Variants in ARL15 observed in about 807,000 individuals in gnomAD.
ARL15 encodes the protein ARF like GTPase 15.
A neutral mutation model predicts 25.2 loss-of-function variants in ARL15; 19 were observed. The observed-to-expected ratio is 0.75, with a 90% CI of 0.53 to 1.10. ARL15 has a LOEUF of 1.10. Among genes scored for constraint, ARL15 ranks in the 50% least tolerant of loss-of-function variants. The pLI, the probability that ARL15 is intolerant of heterozygous loss-of-function variation, is 0.00. For missense variants in ARL15, 220 were observed against 246.0 expected (o/e 0.89, Z 0.71); for synonymous variants, 94 against 86.8 (o/e 1.08, Z -0.46).
At chr5:54,150,841 C>T (rs2112338268) in intron 3 of ARL15, among the ~76,000 whole-genome samples, 1 of 127,006 alleles carries the variant, frequency 7.9e-6, no homozygotes, top group Admixed American at 9.2e-5. Context: ...TTTACCAACA[C>T]ACTGTTAACC....
chr5:53,943,368 T>C (rs913680223), intron 4 of ARL15, among the ~76,000 whole-genome samples: 1 of 152,116 alleles, frequency 6.6e-6, no homozygotes, highest in Non-Finnish European at 1.5e-5. Flanking sequence ...AGTGAGGTCA[T>C]CCACTGAGAA....
intron 3 of ARL15, among the ~76,000 whole-genome samples, chr5:54,127,450 C>G (rs1471510935): frequency 6.6e-6 from 1 of 151,776 alleles, no homozygotes; most frequent in Non-Finnish European, 1.5e-5. Context: ...ACCTAGGAAT[C>G]CAACTTACAA....
chr5:54,221,186 T>C (rs781270909), intron 1 of ARL15, among the ~76,000 whole-genome samples: 74 of 152,282 alleles, frequency 4.9e-4, no homozygotes, highest in Admixed American at 9.8e-4. Flanking sequence ...TTCTTGTATG[T>C]TAGGACTCAA....
intron 1 of ARL15, among the ~76,000 whole-genome samples, chr5:54,246,612 AC>A (rs556741889): frequency 3.9e-5 from 6 of 152,202 alleles, no homozygotes; most frequent in African/African-American, 1.4e-4. Flanking sequence ...CTGACTCAAC[AC>A]ACATGATACA....
At chr5:54,132,235 T>C (rs1489830854) in intron 3 of ARL15, among the ~76,000 whole-genome samples, 1 of 152,114 alleles carries the variant, frequency 6.6e-6, no homozygotes, top group East Asian at 1.9e-4. Flanking sequence ...ACAAAATATG[T>C]CTTATACTAC....
intron 3 of ARL15, among the ~76,000 whole-genome samples, chr5:54,134,979 A>C (rs562138760): frequency 6.6e-6 from 1 of 152,318 alleles, no homozygotes; most frequent in South Asian, 2.1e-4. Flanking sequence ...ATTTTAATTG[A>C]ATTAAAAAGT....
chr5:54,229,083 C>T (rs1211805217), intron 1 of ARL15, among the ~76,000 whole-genome samples: 2 of 152,132 alleles, frequency 1.3e-5, no homozygotes, highest in African/African-American at 4.8e-5. Flanking sequence ...TTACTACTCA[C>T]TGCTTGACTG....
intron 4 of ARL15, among the ~76,000 whole-genome samples, chr5:53,946,635 G>A (rs1007985012): frequency 6.6e-6 from 1 of 152,148 alleles, no homozygotes; most frequent in Admixed American, 6.5e-5. Flanking sequence ...ATGAATAGAA[G>A]ATTCCTAGGT....
At position 54,068,892 on chromosome 5, in the gene ARL15, A is replaced by G. The variant is rs956033893; in HGVS notation, c.462+44310T>C. On this transcript the variant is annotated intron_variant, in intron 4 of 4. Transcript: ENST00000504924. Reference sequence around the variant, plus strand: ...TCTTAGCTCAGCTCTGCCATTTCCTAGCTACCTGACTTTAGGTAACTTAAT... The same window carrying G: ...TCTTAGCTCAGCTCTGCCATTTCCTGGCTACCTGACTTTAGGTAACTTAAT... 1.6e-4 allele frequency among the ~76,000 whole-genome samples: 24 copies of G among 152,314 alleles called. No homozygotes were observed. The South Asian group carries it at 1.7e-3, about 11-fold the overall frequency.
At chr5:54,134,402 G>C (rs1453008827) in intron 3 of ARL15, among the ~76,000 whole-genome samples, 3 of 152,000 alleles carry the variant, frequency 2.0e-5, no homozygotes, top group Admixed American at 2.0e-4. Flanking sequence ...TCGTGGATTT[G>C]TGCCAACATG....
chr5:53,920,835 T>C (rs745325608), intron 4 of ARL15, among the ~76,000 whole-genome samples: 19 of 152,152 alleles, frequency 1.2e-4, no homozygotes, highest in Non-Finnish European at 2.6e-4. Flanking sequence ...TGTAGCCAGG[T>C]GACTGAGTCT....
chr5:54,081,947 C>T (rs548749023), intron 4 of ARL15, among the ~76,000 whole-genome samples: 7 of 128,546 alleles, frequency 5.4e-5, no homozygotes, highest in Admixed American at 1.7e-4. Context: ...CAAAATTAGC[C>T]GGGAGTGATG....
intron 4 of ARL15, among the ~76,000 whole-genome samples, chr5:54,007,253 C>T (rs990104471): frequency 2.0e-5 from 3 of 152,118 alleles, no homozygotes; most frequent in Admixed American, 2.0e-4. Flanking sequence ...ATTGATCCGC[C>T]TTGGGCTCTT....
chr5:54,258,138 C>T (rs1199347098), intron 1 of ARL15, among the ~76,000 whole-genome samples: 2 of 148,454 alleles, frequency 1.3e-5, no homozygotes, highest in Non-Finnish European at 3.0e-5. Flanking sequence ...TGAGACGAGC[C>T]TGGGCAACAT....
intron 1 of ARL15, among the ~76,000 whole-genome samples, chr5:54,249,690 A>C (rs1315061773): frequency 1.3e-5 from 2 of 151,780 alleles, no homozygotes; most frequent in Non-Finnish European, 2.9e-5. Context: ...AAAAAAAAAA[A>C]AACTTTAACA....
intron 4 of ARL15, among the ~76,000 whole-genome samples, chr5:54,051,734 T>C (rs1383099990): frequency 6.6e-6 from 1 of 152,208 alleles, no homozygotes; most frequent in African/African-American, 2.4e-5. Flanking sequence ...TACAACCACA[T>C]TGGAAGACAG....
chr5:54,026,083 C>T (rs1255294754), intron 4 of ARL15, among the ~76,000 whole-genome samples: 1 of 152,052 alleles, frequency 6.6e-6, no homozygotes, highest in African/African-American at 2.4e-5. Context: ...AAATCATTTC[C>T]TTATAGTTTT....
chr5:53,904,308 C>T (rs1242350684), intron 4 of ARL15, among the ~76,000 whole-genome samples: 1 of 152,090 alleles, frequency 6.6e-6, no homozygotes, highest in Non-Finnish European at 1.5e-5. Flanking sequence ...GTGAGCACTC[C>T]TAGGTTGCTT....
chr5:54,078,514 G>A (rs1217833852), intron 4 of ARL15, among the ~76,000 whole-genome samples: 2 of 152,054 alleles, frequency 1.3e-5, no homozygotes, highest in African/African-American at 4.8e-5. Context: ...ATATGAGAAG[G>A]CATACTAGTA....
Sources: gnomAD v4.1 joint callset for allele counts (sites outside exome capture counted in the v4.1 genomes callset) on GRCh38, gnomAD v4.1.1 for gene constraint, MANE v1.5 for transcripts, NCBI Gene and HGNC (gene_info 2026-07-23, HGNC 2026-07-21) for gene names.